PSMD13: variants seen among roughly 807,000 people sequenced by gnomAD.
PSMD13 encodes 26S proteasome non-ATPase regulatory subunit 13.
PSMD13 carries 8 observed loss-of-function variants against 57.4 expected under a neutral mutation model. The ratio of observed to expected loss-of-function variants is 0.14; its 90% CI spans 0.08 to 0.25. PSMD13 has a LOEUF of 0.25. PSMD13 is among the 10% of genes least tolerant of loss of function. The pLI is 1.00. For synonymous variants in PSMD13, 193 were observed against 168.2 expected (o/e 1.15, Z -1.14); for missense variants, 400 against 461.5 (o/e 0.87, Z 1.22).
intron 4 of PSMD13, 83 bp from the exon 5 acceptor site, chr11:244,343 C>G (rs548681236): frequency 4.7e-5 from 74 of 1,577,324 alleles, no homozygotes; most frequent in Non-Finnish European, 5.5e-5. Flanking sequence ...TGGTCAAAAC[C>G]TAAAGATTAC....
intron 2 of PSMD13, 117 bp downstream of exon 2, chr11:239,193 G>A (rs796657551): frequency 2.4e-5 from 24 of 994,086 alleles, no homozygotes; most frequent in South Asian, 2.0e-4. Context: ...GTCACTTTAC[G>A]TCAGGTACTG....
At chr11:240,924 C>T (rs776618775) in intron 2 of PSMD13, among the ~76,000 whole-genome samples, 7 of 151,956 alleles carry the variant, frequency 4.6e-5, no homozygotes, top group East Asian at 3.9e-4. Context: ...CTCCTCCTCC[C>T]GGGTTCCAGT....
At chr11:245,330 A>G (rs1859608214) in intron 6 of PSMD13, among the ~76,000 whole-genome samples, 1 of 152,076 alleles carries the variant, frequency 6.6e-6, no homozygotes, top group African/African-American at 2.4e-5. Context: ...TTGCTGATAC[A>G]ATGCCTGTTG....
chr11:237,185 G>A (rs1036240594), intron 1 of PSMD13, 41 bp downstream of exon 1: 2 of 1,565,272 alleles, frequency 1.3e-6, no homozygotes, highest in Non-Finnish European at 1.7e-6. Context: ...CGGCGATAGA[G>A]GGAGACGGAG....
intron 9 of PSMD13, among the ~76,000 whole-genome samples, 163 bp downstream of exon 9, chr11:249,220 T>C (rs1859719462): frequency 6.6e-6 from 1 of 152,154 alleles, no homozygotes. Context: ...GTTAAGTGGT[T>C]GGTTAGCTAC....
chr11:237,141 A>G lies in PSMD13; in HGVS notation c.92A>G (p.Lys31Arg). Residue 31 changes from lysine (K) to arginine (R), a missense_variant, in exon 1 of 13, where the codon AAG (lysine) becomes AGG (arginine). Coordinates refer to ENST00000532097, the MANE Select transcript of PSMD13 (RefSeq NM_002817.4). Reference protein sequence around the residue: ...VWHRLEELYTKKLWHQLTLQV... With the variant: ...VWHRLEELYTRKLWHQLTLQV... ...CACCGTCTGGAGGAGCTCTACACGAAGAAGTGAGCGCCGAGCAGACGGGCC... is the reference window on the plus strand; with the variant it reads ...CACCGTCTGGAGGAGCTCTACACGAGGAAGTGAGCGCCGAGCAGACGGGCC... 1.2e-6 allele frequency: 2 copies of G among 1,611,766 alleles called. No homozygotes were observed. The highest frequency in any genetic ancestry group is 1.7e-6 in the Non-Finnish European group (2 of 1,178,890).
At chr11:248,202 G>T (rs1859697102) in intron 7 of PSMD13, 1 of 153,160 alleles carries the variant, frequency 6.5e-6, no homozygotes, top group African/African-American at 2.4e-5. Context: ...GAAAGAAAAT[G>T]ACCTGTGAGT....
chr11:251,125 A>G lies in PSMD13; in HGVS notation c.837+260A>G. 2.0e-6 allele frequency: 1 copy of G among 504,782 alleles called. No individual in the cohort carries two copies. Among genetic ancestry groups the G allele is most frequent in the Non-Finnish European group, 3.6e-6 (1 of 278,582 alleles). 31.3% of individuals were successfully genotyped at this position (504,782 alleles called of 1,614,324 possible). On this transcript the variant is annotated intron_variant, in intron 10 of 12. Coordinates refer to ENST00000532097, the MANE Select transcript of PSMD13 (RefSeq NM_002817.4). The surrounding 1 kb of genome is among the most constrained non-coding windows in gnomAD (Gnocchi z 4.6). ...TTCCCTGACCATCTGAACTGAGATG[A>G]AGTAGCTGCCCCTCTCCCCGTGATG...
rs202047499 is a variant in PSMD13, at chr11:247,454, C to G, written c.568+6C>G. 2.0e-4 allele frequency: 318 copies of G among 1,611,658 alleles called. 1 individual carries two copies. The highest frequency in any genetic ancestry group is 2.5e-4 in the Non-Finnish European group (293 of 1,179,086). Reference sequence around the variant, plus strand: ...TGACATCAAGGATCTACCAGGTAACCTAGGCCATTAAATCCATGTCACACA... The same window carrying G: ...TGACATCAAGGATCTACCAGGTAACGTAGGCCATTAAATCCATGTCACACA... On this transcript the variant is annotated splice_donor_region_variant and intron_variant, in intron 7 of 12. Coordinates refer to ENST00000532097, the MANE Select transcript of PSMD13 (RefSeq NM_002817.4).
At chr11:238,255 T>C (rs1859415802) in intron 1 of PSMD13, among the ~76,000 whole-genome samples, 1 of 152,208 alleles carries the variant, frequency 6.6e-6, no homozygotes, top group Non-Finnish European at 1.5e-5. Context: ...AGCCAGCATC[T>C]CAAGTTAGAT....
In PSMD13 at chr11:251,191, A is replaced by G. The variant is rs1859759126; in HGVS notation, c.837+326A>G. The G allele has an allele frequency of 1.6e-5, 7 of 449,990 alleles. No individual in the cohort carries two copies. In the South Asian group the frequency reaches 1.6e-4, roughly 10 times the overall value. The allele number at this position is 449,990 out of a possible 1,614,324, so 27.9% of individuals were successfully genotyped here. On this transcript the variant is annotated intron_variant, in intron 10 of 12. Coordinates refer to ENST00000532097, the MANE Select transcript of PSMD13 (RefSeq NM_002817.4). The surrounding 1 kb of genome is among the most constrained non-coding windows in gnomAD (Gnocchi z 4.6). The stretch of plus-strand genomic sequence containing the variant: ...TGCATGTCGCTTCTTGTGTACACGC[A>G]CATCTGTCTTTCCCCACTAGAACTT...
At chr11:246,373 G>A (rs1003852935) in intron 6 of PSMD13, among the ~76,000 whole-genome samples, 5 of 152,032 alleles carry the variant, frequency 3.3e-5, no homozygotes, top group Non-Finnish European at 4.4e-5. Context: ...ATGGTGGCGG[G>A]CGCCTGTAGT....
Position 245,014 on chromosome 11 carries a change from CACCGCA to C in PSMD13, c.396+257_396+262del, listed in dbSNP as rs1341409549. Among the ~76,000 whole-genome samples the C allele has an allele frequency of 6.6e-5, 10 of 151,700 alleles. No homozygotes were observed. In the East Asian group the frequency reaches 1.9e-3, roughly 29 times the overall value. On this transcript the variant is annotated intron_variant, in intron 6 of 12. Transcript: ENST00000532097. ...GGAGTGCAATGGTGCAATCTCGGCC[CACCGCA>C]ACCTCCGCCTCACGGGTTCAAGCAA...
rs768644685 is a variant in PSMD13, at chr11:237,033, G to A, written c.-17G>A. On this transcript the variant is annotated 5_prime_UTR_variant, in exon 1 of 13. Transcript: ENST00000532097. ...ACATCCCGGTTGTTCTTCTGTGCCG[G>A]GGGTCTTCCTGCTGTCATGAAGGAC... 2 of 1,599,402 alleles carry A rather than the reference G, an allele frequency of 1.3e-6. No individual in the cohort carries two copies. Among genetic ancestry groups the A allele is most frequent in the Middle Eastern group, 1.7e-4 (1 of 5,998 alleles).
At chr11:239,144 C>T in intron 2 of PSMD13, 68 bp downstream of exon 2, 4 of 1,330,146 alleles carry the variant, frequency 3.0e-6, no homozygotes, top group Non-Finnish European at 4.3e-6. Flanking sequence ...ATAAGATAGG[C>T]TTTATGCTAA....
At chr11:237,865 G>A (rs541890525) in intron 1 of PSMD13, among the ~76,000 whole-genome samples, 1 of 152,302 alleles carries the variant, frequency 6.6e-6, no homozygotes, top group African/African-American at 2.4e-5. Context: ...GCATTGGGCT[G>A]GAGCTATTCC....
Position 251,621 on chromosome 11 carries a change from A to C in PSMD13, c.913A>C (p.Asn305His), listed in dbSNP as rs751635692. 4 of 1,612,636 alleles carry C rather than the reference A, an allele frequency of 2.5e-6. No homozygotes were observed. The highest frequency in any genetic ancestry group is 3.4e-6 in the Non-Finnish European group (4 of 1,178,696). ...EIAKSAKITVNEVELLVMKAL... is the reference protein window; with the variant it reads ...EIAKSAKITVHEVELLVMKAL... ...TGCCAAAAGTGCTAAAATCACAGTG[A>C]ATGAGGTACGGTCCCTAGGCTCAGG... is the stretch of plus-strand genomic sequence containing the variant. Residue 305 changes from asparagine to histidine, a missense_variant, in exon 11 of 13, where the codon AAT (asparagine) becomes CAT (histidine). By Grantham distance (68) the Asn-to-His change is moderately conservative. Transcript: ENST00000532097. The surrounding 1 kb of genome is among the most constrained non-coding windows in gnomAD (Gnocchi z 4.6).
intron 1 of PSMD13, among the ~76,000 whole-genome samples, chr11:237,737 T>A (rs939915): frequency 0.16 from 24,415 of 152,228 alleles, 2,491 homozygotes; most frequent in Non-Finnish European, 0.22. Context: ...TCTCATGGGC[T>A]TTCTGCCCCT....
chr11:247,973 G>C (rs909032021), intron 7 of PSMD13: 1 of 152,864 alleles, frequency 6.5e-6, no homozygotes, highest in Non-Finnish European at 1.5e-5. Context: ...ATTCCTCCTC[G>C]CTCCTTCACT....
Sources: gnomAD v4.1 joint callset for allele counts (sites outside exome capture counted in the v4.1 genomes callset) on GRCh38, gnomAD v4.1.1 for gene constraint, Gnocchi (gnomAD v3.1) non-coding constraint, MANE v1.5 for transcripts, NCBI Gene and HGNC (gene_info 2026-07-23, HGNC 2026-07-21) for gene names.